RNF216: variants seen among roughly 807,000 people sequenced by gnomAD.
The protein encoded by RNF216 is E3 ubiquitin-protein ligase RNF216.
Under a neutral mutation model 110.8 loss-of-function variants are expected in RNF216, and 72 were observed. That is an observed-to-expected ratio of 0.65 (90% confidence interval 0.54 to 0.79). RNF216 has a LOEUF of 0.79. Ranked by LOEUF, RNF216 falls within the 30% of genes least tolerant of loss-of-function variation. RNF216 has a pLI of 0.00. For synonymous variants in RNF216, 495 were observed against 407.5 expected (o/e 1.21, Z -2.59); for missense variants, 1,342 against 1,141.2 (o/e 1.18, Z -2.54).
At position 5,712,778 on chromosome 7, in the gene RNF216, T is replaced by C. The variant is rs770686474; in HGVS notation, c.1919A>G (p.Tyr640Cys). The change falls in exon 12 of 17, where the codon TAT (tyrosine) becomes TGT (cysteine). Residue 640 changes from tyrosine (Y) to cysteine (C), a missense_variant. Tyr to Cys is a radical substitution (Grantham distance 194). Coordinates refer to ENST00000389902, the MANE Select transcript of RNF216 (RefSeq NM_207111.4). ...LEKVLPQTIL[Y>C]KYYERKAEEE... ...CTCGGCTTTTCGCTCATAGTACTTA[T>C]ACAGGATGGTCTGGGGGAGCACCTT... 4 of 1,614,016 alleles carry C rather than the reference T, an allele frequency of 2.5e-6. No individual in the cohort carries two copies. The highest frequency in any genetic ancestry group is 3.4e-6 in the Non-Finnish European group (4 of 1,179,996).
chr7:5,712,026 T>C (rs763681048), intron 12 of RNF216, 187 bp from the exon 13 acceptor site: 3 of 587,268 alleles, frequency 5.1e-6, no homozygotes, highest in Non-Finnish European at 6.1e-6. Context: ...TCAGGAAACA[T>C]AAGCACCACA....
intron 15 of RNF216, among the ~76,000 whole-genome samples, chr7:5,640,941 T>G (rs1012764319): frequency 2.0e-5 from 3 of 152,224 alleles, no homozygotes; most frequent in Non-Finnish European, 4.4e-5. Context: ...TTAAAAGAAT[T>G]TGCCTATAAA....
chr7:5,762,148 CTAA>C (rs1195688646), intron 1 of RNF216, among the ~76,000 whole-genome samples: 1 of 151,974 alleles, frequency 6.6e-6, no homozygotes. Flanking sequence ...GTTAAATTAA[CTAA>C]TGTTAAATGA....
At chr7:5,683,815 T>C (rs982742195) in intron 13 of RNF216, among the ~76,000 whole-genome samples, 1 of 152,116 alleles carries the variant, frequency 6.6e-6, no homozygotes, top group Non-Finnish European at 1.5e-5. Context: ...CTGTTAAAAG[T>C]GCAAGATAAG....
At chr7:5,740,306 T>A (rs1158271941) in intron 4 of RNF216, among the ~76,000 whole-genome samples, 1 of 151,902 alleles carries the variant, frequency 6.6e-6, no homozygotes, top group Non-Finnish European at 1.5e-5. Flanking sequence ...TTTAATTTTT[T>A]TAGTAGAGAC....
intron 13 of RNF216, among the ~76,000 whole-genome samples, chr7:5,682,222 T>C (rs993861423): frequency 2.0e-5 from 3 of 152,154 alleles, no homozygotes; most frequent in African/African-American, 7.2e-5. Flanking sequence ...TGACTTTTTC[T>C]CAAATCTAGA....
intron 13 of RNF216, among the ~76,000 whole-genome samples, chr7:5,654,729 C>A (rs1788623917): frequency 2.7e-5 from 3 of 109,310 alleles, no homozygotes; most frequent in Non-Finnish European, 3.7e-5. Context: ...AATCAATGGG[C>A]TAGGGTGGGT....
chr7:5,774,612 T>C (rs576834725), intron 1 of RNF216, among the ~76,000 whole-genome samples: 2 of 152,322 alleles, frequency 1.3e-5, no homozygotes, highest in African/African-American at 4.8e-5. Context: ...ATTACAAGGC[T>C]ATGTTGAAAA....
intron 10 of RNF216, among the ~76,000 whole-genome samples, chr7:5,715,600 T>A (rs2287592): frequency 1.9e-4 from 23 of 123,814 alleles, no homozygotes; most frequent in African/African-American, 6.3e-4. Flanking sequence ...ATAAGGAGTG[T>A]GAATGGGTCT....
chr7:5,633,616 C>T (rs1312959194), intron 15 of RNF216, among the ~76,000 whole-genome samples: 6 of 152,088 alleles, frequency 3.9e-5, no homozygotes, highest in Non-Finnish European at 7.4e-5. Context: ...AGGAAATAAG[C>T]GGATTGCATT....
intron 13 of RNF216, among the ~76,000 whole-genome samples, chr7:5,654,651 C>A (rs1385886787): frequency 1.6e-5 from 2 of 123,310 alleles, no homozygotes; most frequent in Non-Finnish European, 3.2e-5. Flanking sequence ...GGCACCACTG[C>A]ACTTTAGCCT....
chr7:5,733,424 T>G (rs373091885), intron 5 of RNF216, among the ~76,000 whole-genome samples: 1 of 152,206 alleles, frequency 6.6e-6, no homozygotes, highest in East Asian at 1.9e-4. Context: ...TACGTTTTAG[T>G]GATTTTTCTA....
At chr7:5,694,583 T>A (rs1000891485) in intron 13 of RNF216, among the ~76,000 whole-genome samples, 1 of 152,180 alleles carries the variant, frequency 6.6e-6, no homozygotes, top group Non-Finnish European at 1.5e-5. Context: ...ACAAAACAAA[T>A]CTCAGTTCTT....
intron 15 of RNF216, among the ~76,000 whole-genome samples, chr7:5,628,317 A>G (rs1336320072): frequency 1.3e-5 from 2 of 152,166 alleles, no homozygotes; most frequent in African/African-American, 2.4e-5. Context: ...CTCAGCTACA[A>G]TGACCTACAA....
In RNF216 at chr7:5,624,212, T is replaced by A; in HGVS notation, c.2383-87A>T. On this transcript the variant is annotated intron_variant, in intron 15 of 16. Transcript: ENST00000389902. This position sits in a 1 kb window ranked among gnomAD's most constrained non-coding sequence, Gnocchi z 4.4. ...GACAGTGAGGAGGCCGCTTGTTGCT[T>A]ATGGCCATGGAACAAGCCCGAAGCC... is the stretch of plus-strand genomic sequence containing the variant. The A allele has an allele frequency of 1.8e-6, 2 of 1,138,258 alleles. No individual in the cohort carries two copies. Among genetic ancestry groups the A allele is most frequent in the Non-Finnish European group, 2.6e-6 (2 of 776,436 alleles). 70.5% of individuals were successfully genotyped at this position (1,138,258 alleles called of 1,614,324 possible).
chr7:5,697,374 C>T (rs1304074875), intron 13 of RNF216, among the ~76,000 whole-genome samples: 2 of 152,160 alleles, frequency 1.3e-5, no homozygotes, highest in Admixed American at 1.3e-4. Flanking sequence ...ATCTGCTGAA[C>T]GAACGACCAG....
rs142586410 is a variant in RNF216 at position 5,718,359 on chromosome 7, T to G, written c.1645-1593A>C. Among the ~76,000 whole-genome samples, 366 of 152,100 alleles carry G rather than the reference T, an allele frequency of 2.4e-3. 1 individual carries two copies. The highest frequency in any genetic ancestry group is 8.6e-3 in the African/African-American group (355 of 41,508). ...TCCTGCCACTGCACTCCAGCCTGGG[T>G]GACAAAGCGAGACTCCGTCTCAAAA... is the stretch of plus-strand genomic sequence containing the variant. On this transcript the variant is annotated intron_variant, in intron 9 of 16. Transcript: ENST00000389902.
chr7:5,750,927 G>A (rs1014233660), intron 3 of RNF216, among the ~76,000 whole-genome samples: 13 of 6,410 alleles, frequency 2.0e-3, no homozygotes, highest in African/African-American at 3.5e-3. Flanking sequence ...AGTTGATGGC[G>A]CTTCTTGCTT....
chr7:5,686,927 C>T (rs531819803), intron 13 of RNF216, among the ~76,000 whole-genome samples: 3 of 152,214 alleles, frequency 2.0e-5, no homozygotes, highest in Non-Finnish European at 2.9e-5. Context: ...GGAGGCAGAG[C>T]TCAGGTCGTA....
Sources: gnomAD v4.1 joint callset for allele counts (sites outside exome capture counted in the v4.1 genomes callset) on GRCh38, gnomAD v4.1.1 for gene constraint, Gnocchi (gnomAD v3.1) non-coding constraint, MANE v1.5 for transcripts, NCBI Gene and HGNC (gene_info 2026-07-23, HGNC 2026-07-21) for gene names.